LRP2: variants seen among roughly 807,000 people sequenced by gnomAD.
The protein encoded by LRP2 is LDL receptor related protein 2.
LRP2 carries 172 observed loss-of-function variants against 531.0 expected under a neutral mutation model. That is an observed-to-expected ratio of 0.32 (90% CI 0.29 to 0.37). The LOEUF (loss-of-function observed/expected upper bound fraction) is 0.37. Among genes scored for constraint, LRP2 ranks in the 10% least tolerant of loss-of-function variants. The pLI is 1.00. For missense variants in LRP2, 5,167 were observed against 5,868.3 expected (o/e 0.88, Z 3.90); for synonymous variants, 1,992 against 2,027.6 (o/e 0.98, Z 0.47).
At chr2:169,219,267 T>C (rs1473293977) in intron 34 of LRP2, among the ~76,000 whole-genome samples, 1 of 152,204 alleles carries the variant, frequency 6.6e-6, no homozygotes, top group Non-Finnish European at 1.5e-5. Context: ...ACTTCTTCAG[T>C]GCCCTTCTAG....
chr2:169,290,216 T>C (rs1443435601), intron 8 of LRP2, among the ~76,000 whole-genome samples: 1 of 150,662 alleles, frequency 6.6e-6, no homozygotes, highest in Non-Finnish European at 1.5e-5. Context: ...GCCAACTCAG[T>C]TTTGCCATTG....
At chr2:169,247,031 C>G in intron 20 of LRP2, 45 bp from the exon 21 acceptor site, 1 of 1,604,680 alleles carries the variant, frequency 6.2e-7, no homozygotes, top group Admixed American at 1.7e-5. Context: ...TACATTTTCA[C>G]TAGGTAGGTC....
chr2:169,160,682 T>TAAAAAAAAAAAAAAAAAAAA (rs781574242), intron 63 of LRP2, among the ~76,000 whole-genome samples: 2 of 52,814 alleles, frequency 3.8e-5, no homozygotes, highest in African/African-American at 9.6e-5. Flanking sequence ...CTTATTTCCT[T>TAAAAAAAAAAAAAAAAAAAA]AAAAAAAAAA....
chr2:169,188,223 C>A lies in LRP2; in HGVS notation c.9075G>T (p.Arg3025Ser), dbSNP rs778200506. 4 of 1,614,132 alleles carry A rather than the reference C, an allele frequency of 2.5e-6. No individual in the cohort carries two copies. The highest frequency in any genetic ancestry group is 1.6e-4 in the Middle Eastern group (1 of 6,062). Residue 3025 changes from arginine (R) to serine (S), a missense_variant, in exon 49 of 79, where the codon AGG becomes AGT. By Grantham distance (110) the Arg-to-Ser change is moderately radical. Around this residue, in one of 6 missense-constraint regions of LRP2, gnomAD observed 1,129 missense variants for 1,362.7 expected, o/e 0.83. Transcript: ENST00000649046. The part of the protein sequence containing the change: ...HNDCGDYSDE[R>S]GCLYQTCQQN... ...GTTGGCAAGTCTGGTATAAGCAGCC[C>A]CTCTCGTCGCTATAGTCACCACAGT... is the stretch of plus-strand genomic sequence containing the variant.
intron 71 of LRP2, 117 bp from the exon 72 acceptor site, chr2:169,140,662 C>T (rs1280327986): frequency 2.9e-6 from 2 of 701,450 alleles, no homozygotes; most frequent in Non-Finnish European, 5.1e-6. Context: ...AATTAGTCTC[C>T]CTGTCAAAGC....
intron 1 of LRP2, among the ~76,000 whole-genome samples, chr2:169,359,943 G>A (rs957928572): frequency 2.0e-5 from 3 of 151,942 alleles, no homozygotes; most frequent in Admixed American, 2.0e-4. Context: ...GGCCAACATA[G>A]CAAAACCCTG....
rs370096209 is a variant in LRP2, at chr2:169,165,246, G to T, written c.11758+686C>A. On this transcript the variant is annotated intron_variant, in intron 62 of 78. Coordinates refer to ENST00000649046, the MANE Select transcript of LRP2 (RefSeq NM_004525.3). Reference sequence around the variant, plus strand: ...AAAAAATAATTGGAGTCGGGGAAATGATTTTCCTCACTGACATTTTCTAGG... The same window carrying T: ...AAAAAATAATTGGAGTCGGGGAAATTATTTTCCTCACTGACATTTTCTAGG... Among the ~76,000 whole-genome samples, 7 of 152,328 alleles carry T rather than the reference G, an allele frequency of 4.6e-5. No individual in the cohort carries two copies. In the East Asian group the frequency reaches 9.6e-4, roughly 21 times the overall value.
Position 169,241,132 on chromosome 2 carries a change from C to A in LRP2, c.3901G>T (p.Asp1301Tyr). The change falls in exon 25 of 79, where the codon GAT (aspartate) becomes TAT (tyrosine). Residue 1301 changes from aspartate to tyrosine, a missense_variant. Transcript: ENST00000649046. ...GGCTGAGTAGGGCAGTCCTTCTCAT[C>A]ACTCATATCCCCGCAGTCATTGTCC... ...DRDNDCGDMS[D>Y]EKDCPTQPFR... is the part of the protein sequence containing the mutation. 1 of 1,614,016 alleles carries A rather than the reference C, an allele frequency of 6.2e-7. No individual in the cohort carries two copies. The highest frequency in any genetic ancestry group is 8.5e-7 in the Non-Finnish European group (1 of 1,179,912).
intron 1 of LRP2, among the ~76,000 whole-genome samples, chr2:169,338,375 A>AGAAAGAAAGAAAGAAAGAAG: frequency 8.1e-6 from 1 of 122,856 alleles, no homozygotes; most frequent in Middle Eastern, 3.9e-3. Flanking sequence ...AAAGAAAGAA[A>AGAAAGAAAGAAAGAAAGAAG]GAAAGAAAGA....
At chr2:169,268,557 G>A (rs1290628601) in intron 16 of LRP2, among the ~76,000 whole-genome samples, 2 of 152,136 alleles carry the variant, frequency 1.3e-5, no homozygotes, top group East Asian at 3.9e-4. Context: ...AAATTCAACA[G>A]CCCTTCATGC....
chr2:169,167,801 C>T (rs1043827154), intron 61 of LRP2, among the ~76,000 whole-genome samples: 7 of 151,702 alleles, frequency 4.6e-5, no homozygotes, highest in Middle Eastern at 3.4e-3. Flanking sequence ...ACTCTATTTA[C>T]GTTCACTTCA....
intron 9 of LRP2, among the ~76,000 whole-genome samples, chr2:169,286,573 G>T (rs1224309424): frequency 6.6e-6 from 1 of 152,134 alleles, no homozygotes; most frequent in Non-Finnish European, 1.5e-5. Context: ...AATTGAAGTG[G>T]CCTGAATCTC....
intron 62 of LRP2, 41 bp from the exon 63 acceptor site, chr2:169,162,641 T>C: frequency 6.2e-7 from 1 of 1,607,688 alleles, no homozygotes; most frequent in Non-Finnish European, 8.5e-7. Flanking sequence ...CTTTTTCTTT[T>C]ATGAAGCAAG....
In LRP2 at chr2:169,361,455, C is replaced by T. The variant is rs917102973; in HGVS notation, c.79+866G>A. Among the ~76,000 whole-genome samples, 14 of 151,292 alleles carry T rather than the reference C, an allele frequency of 9.3e-5. No homozygotes were observed. In the East Asian group the frequency reaches 2.7e-3, roughly 29 times the overall value. On this transcript the variant is annotated intron_variant, in intron 1 of 78. Transcript: ENST00000649046. ...TCCCGCCCCAGTCGTTCTCTTCCCT[C>T]CTTCTTTCCTTATTCCTATTTGCTT...
Position 169,270,890 on chromosome 2 carries a change from C to T in LRP2, c.2320+14G>A, listed in dbSNP as rs1243478084. 2 of 1,608,468 alleles carry T rather than the reference C, an allele frequency of 1.2e-6. No individual in the cohort carries two copies. The highest frequency in any genetic ancestry group is 1.7e-5 in the Admixed American group (1 of 59,724). ...ACGCATACACACACACACACACACA[C>T]AAACCTTTCTCACCTGTGCCATCAA... On this transcript the variant is annotated intron_variant, in intron 16 of 78. Transcript: ENST00000649046.
Position 169,239,737 on chromosome 2 carries a change from G to C in LRP2, c.4084C>G (p.His1362Asp). The change falls in exon 26 of 79, where the codon CAC becomes GAC. Residue 1362 changes from histidine to aspartate, a missense_variant. Physicochemically the swap from His to Asp is moderately conservative, Grantham distance 81. Around this residue, in one of 6 missense-constraint regions of LRP2, gnomAD observed 2,811 missense variants for 3,058.0 expected, o/e 0.92. Transcript: ENST00000649046. ...CCAAAGGGCTCTTGAACACACTCGT[G>C]AGTACAACCACCATTGAAATCTGAG... ...SCSDFNGGCT[H>D]ECVQEPFGAK... 1 of 1,614,066 alleles carries C rather than the reference G, an allele frequency of 6.2e-7. No individual in the cohort carries two copies. The highest frequency in any genetic ancestry group is 8.5e-7 in the Non-Finnish European group (1 of 1,179,918).
intron 19 of LRP2, among the ~76,000 whole-genome samples, chr2:169,248,782 CG>C (rs530526228): frequency 0.027 from 3,621 of 132,324 alleles, 276 homozygotes; most frequent in Non-Finnish European, 0.035. Flanking sequence ...GTGTGCGCAC[CG>C]TGCGCGAGCC....
In LRP2 at chr2:169,244,692, C is replaced by T; in HGVS notation, c.3430+1G>A. Reference sequence around the variant, plus strand: ...CCAAGGGAAACCAGCTCAAAACTTACTGCAGTTCTTTTCATCAGATCCATC... The same window carrying T: ...CCAAGGGAAACCAGCTCAAAACTTATTGCAGTTCTTTTCATCAGATCCATC... On this transcript the variant is annotated splice_donor_variant, in intron 22 of 78. Transcript: ENST00000649046. LOFTEE classifies it high-confidence loss of function. 6.2e-7 allele frequency: 1 copy of T among 1,614,250 alleles called. No homozygotes were observed. Among genetic ancestry groups the T allele is most frequent in the Non-Finnish European group, 8.5e-7 (1 of 1,180,050 alleles).
chr2:169,144,630 AG>A lies in LRP2; in HGVS notation c.12988+1116del, dbSNP rs370150512. 1.8e-3 allele frequency among the ~76,000 whole-genome samples: 270 copies of A among 152,304 alleles called. 1 individual carries two copies. Among genetic ancestry groups the A allele is most frequent in the African/African-American group, 6.2e-3 (257 of 41,576 alleles). On this transcript the variant is annotated intron_variant, in intron 70 of 78. Coordinates refer to ENST00000649046, the MANE Select transcript of LRP2 (RefSeq NM_004525.3). ...AGGACACAAAAGCTATTCTATTGGT[AG>A]GGTCTGGAGTATTCTGGAGTGTTTT... is the stretch of plus-strand genomic sequence containing the variant.
Sources: gnomAD v4.1 joint callset for allele counts (sites outside exome capture counted in the v4.1 genomes callset) on GRCh38, gnomAD v4.1.1 for gene constraint, gnomAD v4.1.1 regional missense constraint, MANE v1.5 for transcripts, NCBI Gene and HGNC (gene_info 2026-07-23, HGNC 2026-07-21) for gene names.